Variants in OSBPL1A observed in about 807,000 individuals in gnomAD.
OSBPL1A encodes the protein oxysterol-binding protein-related protein 1.
OSBPL1A carries 80 observed loss-of-function variants against 137.1 expected under a neutral mutation model. The observed-to-expected ratio is 0.58, with a 90% CI of 0.49 to 0.70. The LOEUF is 0.70. OSBPL1A is among the 30% of genes least tolerant of loss of function. The pLI, the probability that OSBPL1A is intolerant of heterozygous loss-of-function variation, is 0.00. For missense variants in OSBPL1A, 970 were observed against 1,129.4 expected, an observed-to-expected ratio of 0.86 and a Z score of 2.02; for synonymous variants, 365 against 389.7, an observed-to-expected ratio of 0.94 and a Z score of 0.75.
At chr18:24,210,031 C>T (rs950054417) in intron 17 of OSBPL1A, among the ~76,000 whole-genome samples, 3 of 152,108 alleles carry the variant, frequency 2.0e-5, no homozygotes, top group East Asian at 3.8e-4. Context: ...ACTGCAACCA[C>T]GAAACAAACA....
At chr18:24,203,981 T>C (rs1039614347) in intron 17 of OSBPL1A, among the ~76,000 whole-genome samples, 3 of 152,206 alleles carry the variant, frequency 2.0e-5, no homozygotes, top group Admixed American at 1.3e-4. Context: ...AAAGAAACAA[T>C]GCAACAAAAA....
chr18:24,304,337 AC>A (rs1368813054), intron 13 of OSBPL1A, among the ~76,000 whole-genome samples: 1 of 152,218 alleles, frequency 6.6e-6, no homozygotes, highest in Non-Finnish European at 1.5e-5. Flanking sequence ...AGGCAAAAAA[AC>A]ATAAATATAG....
intron 17 of OSBPL1A, among the ~76,000 whole-genome samples, chr18:24,203,184 C>T (rs1002716627): frequency 6.6e-6 from 1 of 151,856 alleles, no homozygotes; most frequent in Non-Finnish European, 1.5e-5. Flanking sequence ...ACCATGTTAG[C>T]CAGGCTGGTC....
intron 17 of OSBPL1A, among the ~76,000 whole-genome samples, chr18:24,203,351 C>T (rs918303864): frequency 6.6e-6 from 1 of 152,196 alleles, no homozygotes; most frequent in African/African-American, 2.4e-5. Flanking sequence ...CTGCACTCTC[C>T]AATACCAACA....
At chr18:24,236,263 T>C (rs2088469962) in intron 16 of OSBPL1A, among the ~76,000 whole-genome samples, 1 of 152,046 alleles carries the variant, frequency 6.6e-6, no homozygotes, top group Admixed American at 6.6e-5. Context: ...AAGCAATAAC[T>C]AAACAAAAGT....
chr18:24,163,356 G>A (rs2086064463), intron 27 of OSBPL1A, 75 bp from the exon 28 acceptor site: 10 of 1,072,170 alleles, frequency 9.3e-6, no homozygotes, highest in Middle Eastern at 2.1e-4. Context: ...CTAGTTTGCA[G>A]TATTATTCTA....
chr18:24,274,118 C>T (rs2089789425), intron 15 of OSBPL1A, among the ~76,000 whole-genome samples: 1 of 151,572 alleles, frequency 6.6e-6, no homozygotes, highest in Non-Finnish European at 1.5e-5. Flanking sequence ...CCTGTAATCC[C>T]AGCTACTCAG....
At chr18:24,274,998 G>A (rs751789209) in intron 15 of OSBPL1A, among the ~76,000 whole-genome samples, 16 of 152,084 alleles carry the variant, frequency 1.1e-4, no homozygotes, top group African/African-American at 3.4e-4. Context: ...AAGCCACAGC[G>A]CAATTCCAAA....
intron 7 of OSBPL1A, among the ~76,000 whole-genome samples, chr18:24,320,196 C>T (rs1280372834): frequency 6.6e-6 from 1 of 151,968 alleles, no homozygotes; most frequent in East Asian, 1.9e-4. Flanking sequence ...TAATGAGGGT[C>T]TGTTATGTAC....
At chr18:24,205,216 C>CT (rs1242917548) in intron 17 of OSBPL1A, among the ~76,000 whole-genome samples, 1 of 152,228 alleles carries the variant, frequency 6.6e-6, no homozygotes, top group Non-Finnish European at 1.5e-5. Flanking sequence ...TTTCAGAACT[C>CT]TGCCACTTAC....
chr18:24,169,531 A>T (rs1234419771), intron 24 of OSBPL1A, among the ~76,000 whole-genome samples: 1 of 152,250 alleles, frequency 6.6e-6, no homozygotes. Context: ...TCATTTAACA[A>T]GTAGGTGCTA....
chr18:24,257,874 A>C (rs2089329341), intron 15 of OSBPL1A, among the ~76,000 whole-genome samples: 1 of 152,212 alleles, frequency 6.6e-6, no homozygotes, highest in African/African-American at 2.4e-5. Context: ...GCATATGAAA[A>C]GGCGCTCAAC....
intron 24 of OSBPL1A, among the ~76,000 whole-genome samples, chr18:24,168,865 G>A (rs2086206147): frequency 6.6e-6 from 1 of 152,206 alleles, no homozygotes; most frequent in Admixed American, 6.5e-5. Flanking sequence ...GACTGACTGG[G>A]AATTTAGGGA....
chr18:24,209,784 G>A lies in OSBPL1A; in HGVS notation c.1602-13584C>T, dbSNP rs538983636. 9.2e-5 allele frequency among the ~76,000 whole-genome samples: 14 copies of A among 152,298 alleles called. 1 individual carries two copies. The South Asian group carries it at 2.5e-3, about 27-fold the overall frequency. On this transcript the variant is annotated intron_variant, in intron 17 of 27. Coordinates refer to ENST00000319481, the MANE Select transcript of OSBPL1A (RefSeq NM_080597.4). Reference sequence around the variant, plus strand: ...CTAACGCCACATTCAAGGAGCACACGCACTGTGATTCATTTATAATGCAGT... The same window carrying A: ...CTAACGCCACATTCAAGGAGCACACACACTGTGATTCATTTATAATGCAGT...
intron 27 of OSBPL1A, 28 bp downstream of exon 27, chr18:24,165,037 A>T: frequency 6.2e-7 from 1 of 1,611,534 alleles, no homozygotes. Context: ...CTGAGGGCTC[A>T]GCCACACCCC....
At chr18:24,244,335 C>G (rs1022606269) in intron 15 of OSBPL1A, among the ~76,000 whole-genome samples, 1 of 152,182 alleles carries the variant, frequency 6.6e-6, no homozygotes, top group African/African-American at 2.4e-5. Flanking sequence ...ACTTCCTTCA[C>G]AGAACTAGTG....
chr18:24,222,130 G>A (rs2087912358), intron 17 of OSBPL1A, among the ~76,000 whole-genome samples: 1 of 150,708 alleles, frequency 6.6e-6, no homozygotes, highest in Non-Finnish European at 1.5e-5. Context: ...TTATCAAGTA[G>A]TTTAAGTTTT....
intron 15 of OSBPL1A, among the ~76,000 whole-genome samples, chr18:24,266,647 C>A (rs2089582063): frequency 6.6e-6 from 1 of 152,140 alleles, no homozygotes; most frequent in South Asian, 2.1e-4. Context: ...TCATCCAAAC[C>A]TTCTGTACCT....
At chr18:24,246,572 C>A (rs974287851) in intron 15 of OSBPL1A, among the ~76,000 whole-genome samples, 1 of 152,012 alleles carries the variant, frequency 6.6e-6, no homozygotes, top group South Asian at 2.1e-4. Context: ...GGGCGGATCA[C>A]CGGAGGCCAG....
Sources: allele counts gnomAD v4.1 joint callset (sites outside exome capture counted in the v4.1 genomes callset), GRCh38; gene constraint gnomAD v4.1.1; transcripts MANE v1.5; gene names NCBI Gene and HGNC (gene_info 2026-07-23, HGNC 2026-07-21).